Variants in BBS9 observed in about 807,000 individuals in gnomAD.
BBS9 encodes Bardet-Biedl syndrome 9, also known as protein PTHB1.
Under a neutral mutation model 117.7 loss-of-function variants are expected in BBS9, and 89 were observed. The ratio of observed to expected loss-of-function variants is 0.76; its 90% CI spans 0.64 to 0.90. The LOEUF (loss-of-function observed/expected upper bound fraction) is 0.90, where lower values mean the gene tolerates loss of function less well. Ranked by LOEUF, BBS9 falls within the 40% of genes least tolerant of loss-of-function variation. The pLI, the probability that BBS9 is intolerant of heterozygous loss-of-function variation, is 0.00. For missense variants in BBS9, 982 were observed against 1,042.2 expected (o/e 0.94, Z 0.80); for synonymous variants, 379 against 370.9 (o/e 1.02, Z -0.25).
chr7:33,256,939 A>T (rs879403130), intron 5 of BBS9, among the ~76,000 whole-genome samples: 1 of 152,126 alleles, frequency 6.6e-6, no homozygotes, highest in Non-Finnish European at 1.5e-5. Flanking sequence ...TTTCTATGAT[A>T]AACTGTATCA....
chr7:33,425,480 G>A (rs531299495), intron 19 of BBS9, among the ~76,000 whole-genome samples: 2 of 152,268 alleles, frequency 1.3e-5, no homozygotes, highest in Admixed American at 6.5e-5. Flanking sequence ...TGCATTAGCT[G>A]TATTTCCTAA....
chr7:33,177,397 G>A, intron 4 of BBS9, 81 bp from the exon 5 acceptor site: 1 of 921,438 alleles, frequency 1.1e-6, no homozygotes, highest in Non-Finnish European at 1.8e-6. Context: ...AAATTACTTA[G>A]AATCGGAGTA....
intron 5 of BBS9, among the ~76,000 whole-genome samples, chr7:33,221,799 G>C (rs912162944): frequency 6.6e-6 from 1 of 152,082 alleles, no homozygotes; most frequent in African/African-American, 2.4e-5. Context: ...GAATTTGGAA[G>C]TGTGTTTGTG....
intron 5 of BBS9, among the ~76,000 whole-genome samples, chr7:33,255,649 G>T (rs1796924642): frequency 6.6e-6 from 1 of 152,124 alleles, no homozygotes; most frequent in African/African-American, 2.4e-5. Flanking sequence ...AGACCTTGCA[G>T]CATTTATTTT....
chr7:33,220,023 C>G (rs1789929433), intron 5 of BBS9, among the ~76,000 whole-genome samples: 1 of 152,118 alleles, frequency 6.6e-6, no homozygotes, highest in African/African-American at 2.4e-5. Flanking sequence ...GGAACAAACT[C>G]CGGACACGCC....
At chr7:33,513,882 G>A (rs1296355645) in intron 20 of BBS9, among the ~76,000 whole-genome samples, 1 of 152,078 alleles carries the variant, frequency 6.6e-6, no homozygotes, top group African/African-American at 2.4e-5. Flanking sequence ...TGGTGAAATC[G>A]ACATACCCAC....
intron 10 of BBS9, among the ~76,000 whole-genome samples, chr7:33,339,645 G>A (rs1816103842): frequency 1.3e-5 from 2 of 152,188 alleles, no homozygotes; most frequent in Admixed American, 6.5e-5. Context: ...GTTATGTGCA[G>A]ATATGATTTC....
intron 9 of BBS9, among the ~76,000 whole-genome samples, chr7:33,302,963 G>A (rs1806820904): frequency 6.6e-6 from 1 of 152,052 alleles, no homozygotes; most frequent in Non-Finnish European, 1.5e-5. Flanking sequence ...ATGTTTTATA[G>A]TTTTCATTGT....
chr7:33,317,454 C>CT (rs11444299), intron 9 of BBS9, among the ~76,000 whole-genome samples: 143,406 of 150,360 alleles, frequency 0.95, 68,504 homozygotes, highest in East Asian at 0.99. Context: ...GAATCAACAT[C>CT]TTTTTTTTTA....
chr7:33,208,099 A>G (rs960308594), intron 5 of BBS9, among the ~76,000 whole-genome samples: 3 of 152,150 alleles, frequency 2.0e-5, no homozygotes, highest in African/African-American at 7.2e-5. Flanking sequence ...GTGAGCCACC[A>G]TGCCCAGCCC....
intron 19 of BBS9, among the ~76,000 whole-genome samples, chr7:33,427,103 A>G (rs1351755996): frequency 6.6e-6 from 1 of 152,140 alleles, no homozygotes; most frequent in African/African-American, 2.4e-5. Flanking sequence ...GCATGTGCAG[A>G]TGTCACCTTC....
At chr7:33,330,791 A>C (rs961949191) in intron 9 of BBS9, among the ~76,000 whole-genome samples, 3 of 152,160 alleles carry the variant, frequency 2.0e-5, no homozygotes, top group African/African-American at 7.2e-5. Flanking sequence ...CATAAAGTAC[A>C]TTATTCTAGT....
At chr7:33,599,714 T>G (rs1400984569) in intron 21 of BBS9, among the ~76,000 whole-genome samples, 1 of 151,966 alleles carries the variant, frequency 6.6e-6, no homozygotes, top group Non-Finnish European at 1.5e-5. Context: ...ATTTCACGAG[T>G]TAGTTTTCCA....
chr7:33,549,009 C>T (rs1853904201), intron 21 of BBS9, among the ~76,000 whole-genome samples: 1 of 151,072 alleles, frequency 6.6e-6, no homozygotes, highest in Admixed American at 6.6e-5. Context: ...AGGCATCACA[C>T]TACCTGACTT....
intron 20 of BBS9, among the ~76,000 whole-genome samples, chr7:33,528,809 A>C (rs1850096754): frequency 1.3e-5 from 2 of 152,208 alleles, no homozygotes; most frequent in Admixed American, 1.3e-4. Context: ...AGCTATCATC[A>C]ACTCAACTGT....
At chr7:33,291,801 T>C (rs1366067132) in intron 9 of BBS9, among the ~76,000 whole-genome samples, 2 of 152,214 alleles carry the variant, frequency 1.3e-5, no homozygotes, top group Non-Finnish European at 2.9e-5. Context: ...CCATGTAGCA[T>C]GGAAACAAGG....
chr7:33,587,044 TA>T (rs1330566369), intron 21 of BBS9, among the ~76,000 whole-genome samples: 2 of 152,116 alleles, frequency 1.3e-5, no homozygotes, highest in East Asian at 3.9e-4. Context: ...GATTCTAAAA[TA>T]AAAATTGGGA....
At chr7:33,591,866 C>A (rs1299927786) in intron 21 of BBS9, among the ~76,000 whole-genome samples, 1 of 151,080 alleles carries the variant, frequency 6.6e-6, no homozygotes, top group East Asian at 1.9e-4. Flanking sequence ...GCCGTCGTCG[C>A]CATCATCATC....
intron 5 of BBS9, among the ~76,000 whole-genome samples, chr7:33,226,229 AT>A (rs978188255): frequency 5.9e-4 from 89 of 150,140 alleles, no homozygotes; most frequent in Middle Eastern, 3.5e-3. Context: ...TATAGTGGAG[AT>A]TTTTTTTTTC....
Sources: allele counts gnomAD v4.1 joint callset (sites outside exome capture counted in the v4.1 genomes callset), GRCh38; gene constraint gnomAD v4.1.1; transcripts MANE v1.5; gene names NCBI Gene and HGNC (gene_info 2026-07-23, HGNC 2026-07-21).